The following NGLY1 variants were observed in gnomAD, a reference collection of about 807,000 sequenced individuals.
NGLY1 encodes N-glycanase 1.
In NGLY1, 68 loss-of-function variants were observed where a neutral mutation model predicts 84.6. The observed-to-expected ratio is 0.80, with a 90% CI of 0.66 to 0.98. The LOEUF (loss-of-function observed/expected upper bound fraction) is 0.98, where lower values mean the gene tolerates loss of function less well. Ranked by LOEUF, NGLY1 falls within the 50% of genes least tolerant of loss-of-function variation. NGLY1 has a pLI of 0.00. For missense variants in NGLY1, 779 were observed against 770.2 expected (o/e 1.01, Z -0.14); for synonymous variants, 280 against 275.2 (o/e 1.02, Z -0.17).
chr3:25,737,285 T>C lies in NGLY1; in HGVS notation c.1003+49A>G, dbSNP rs371125656. On this transcript the variant is annotated intron_variant, in intron 6 of 11. Transcript: ENST00000280700. ...TGGGCTCAGAATGTAAACCCAAACC[T>C]GCAAGCCTGCAAAGCCCTACTACCC... 48 of 1,493,506 alleles carry C rather than the reference T, an allele frequency of 3.2e-5. 2 individuals carry two copies. Among genetic ancestry groups the C allele is most frequent in the Admixed American group, 2.6e-4 (11 of 42,750 alleles). The allele number at this position is 1,493,506 out of a possible 1,614,324, so 92.5% of individuals were successfully genotyped here.
At chr3:25,785,999 G>A (rs1575673548), upstream of NGLY1, among the ~76,000 whole-genome samples, 1 of 152,064 alleles carries the variant, frequency 6.6e-6, no homozygotes, top group East Asian at 1.9e-4. Flanking sequence ...TAGAGTTGTT[G>A]GTTAATCACT....
At chr3:25,721,678 G>A (rs1313331653) in intron 10 of NGLY1, among the ~76,000 whole-genome samples, 1 of 149,426 alleles carries the variant, frequency 6.7e-6, no homozygotes, top group African/African-American at 2.5e-5. Context: ...GAACCCGGGG[G>A]GCGGAGCTTG....
intron 2 of NGLY1, among the ~76,000 whole-genome samples, chr3:25,764,812 T>C (rs560667126): frequency 6.2e-4 from 94 of 152,334 alleles, no homozygotes; most frequent in Middle Eastern, 3.4e-3. Flanking sequence ...CTTTAAAGAA[T>C]AGCTACATGA....
chr3:25,743,128 C>T (rs893760537), intron 4 of NGLY1, among the ~76,000 whole-genome samples: 1 of 152,082 alleles, frequency 6.6e-6, no homozygotes, highest in Non-Finnish European at 1.5e-5. Context: ...CAGCAGCAAC[C>T]AAAAGCTGGA....
chr3:25,772,770 G>A (rs1032720769), intron 2 of NGLY1, among the ~76,000 whole-genome samples: 11 of 152,006 alleles, frequency 7.2e-5, no homozygotes, highest in African/African-American at 2.4e-4. Context: ...GGTGTATTTC[G>A]AGGTTTTATT....
intron 4 of NGLY1, among the ~76,000 whole-genome samples, chr3:25,747,421 A>G (rs1046063175): frequency 3.3e-5 from 5 of 152,244 alleles, no homozygotes; most frequent in Non-Finnish European, 4.4e-5. Flanking sequence ...TAGCAGAAGT[A>G]AATCTAAGGC....
intron 2 of NGLY1, among the ~76,000 whole-genome samples, chr3:25,773,765 G>A (rs1455272698): frequency 6.6e-6 from 1 of 152,154 alleles, no homozygotes; most frequent in Admixed American, 6.5e-5. Flanking sequence ...GGAAGGATCA[G>A]GGGCTCAAGG....
At chr3:25,770,610 G>C (rs1483753644) in intron 2 of NGLY1, among the ~76,000 whole-genome samples, 1 of 152,130 alleles carries the variant, frequency 6.6e-6, no homozygotes, top group African/African-American at 2.4e-5. Flanking sequence ...AGATCAAATG[G>C]TAGATCTACT....
chr3:25,789,794 C>T lies in NGLY1; in HGVS notation c.5+67G>A. 5 of 1,501,954 alleles carry T rather than the reference C, an allele frequency of 3.3e-6. No individual in the cohort carries two copies. In the South Asian group the frequency reaches 6.0e-5, roughly 18 times the overall value. 93.0% of individuals were successfully genotyped at this position (1,501,954 alleles called of 1,614,324 possible). A position where few individuals can be genotyped will look rare whatever the true frequency, so the allele number is the denominator to read the frequency against. ...GAATACGATGGTGTCCCTTCTCCGA[C>T]AAAAGGGAATATTTGGGCATTATCA... On this transcript the variant is annotated intron_variant, in intron 1 of 11. Transcript: ENST00000417874.
At chr3:25,768,822 G>A (rs9828806) in intron 2 of NGLY1, among the ~76,000 whole-genome samples, 11 of 151,930 alleles carry the variant, frequency 7.2e-5, no homozygotes, top group East Asian at 2.0e-4. Flanking sequence ...GATTACAGGC[G>A]TGAGCCACGG....
At chr3:25,764,436 G>T in intron 2 of NGLY1, 125 bp from the exon 3 acceptor site, 1 of 1,047,916 alleles carries the variant, frequency 9.5e-7, no homozygotes, top group Non-Finnish European at 1.4e-6. Context: ...AAATCATACT[G>T]TTTTCTTACC....
In NGLY1 at chr3:25,727,131, G is replaced by A. The variant is rs146602642; in HGVS notation, c.1611+2002C>T. ...AGAACCAGAAATACTGATTTAGATG[G>A]AATACTTAAGTTATAACGACAATTG... On this transcript the variant is annotated intron_variant, in intron 10 of 11. Coordinates refer to ENST00000280700, the MANE Select transcript of NGLY1 (RefSeq NM_018297.4). 3.1e-3 allele frequency among the ~76,000 whole-genome samples: 470 copies of A among 152,212 alleles called. 1 individual carries two copies. The highest frequency in any genetic ancestry group is 0.011 in the African/African-American group (446 of 41,532).
At chr3:25,787,836 C>T (rs1224698537), upstream of NGLY1, among the ~76,000 whole-genome samples, 1 of 152,150 alleles carries the variant, frequency 6.6e-6, no homozygotes, top group Non-Finnish European at 1.5e-5. Flanking sequence ...TGACATGGGC[C>T]ACATATTTAG....
At chr3:25,729,817 CT>C (rs1170399876) in intron 9 of NGLY1, 2 of 152,250 alleles carry the variant, frequency 1.3e-5, no homozygotes, top group African/African-American at 4.8e-5. Flanking sequence ...ATGGTTCACC[CT>C]GCTTGCTTCT....
At chr3:25,719,864 TCA>T in intron 11 of NGLY1, 148 bp downstream of exon 11, 1 of 705,698 alleles carries the variant, frequency 1.4e-6, no homozygotes, top group Non-Finnish European at 2.2e-6. Flanking sequence ...TACAATGGGA[TCA>T]CACAGGGTTT....
chr3:25,743,298 A>G (rs1162727621), intron 4 of NGLY1, among the ~76,000 whole-genome samples: 1 of 152,144 alleles, frequency 6.6e-6, no homozygotes, highest in Non-Finnish European at 1.5e-5. Flanking sequence ...TAGTAGCCCC[A>G]GGAAACTTAA....
chr3:25,787,367 G>A (rs180690066), upstream of NGLY1, among the ~76,000 whole-genome samples: 249 of 152,192 alleles, frequency 1.6e-3, 1 homozygote, highest in African/African-American at 5.8e-3. Context: ...TCAGAGCCTC[G>A]TGTTTCATCC....
chr3:25,731,762 G>A (rs776826371), intron 9 of NGLY1, among the ~76,000 whole-genome samples: 4 of 152,000 alleles, frequency 2.6e-5, no homozygotes, highest in South Asian at 2.1e-4. Context: ...TACCATACAC[G>A]TTGCAACATG....
chr3:25,771,062 T>C (rs1309391169), intron 2 of NGLY1, among the ~76,000 whole-genome samples: 1 of 152,240 alleles, frequency 6.6e-6, no homozygotes, highest in African/African-American at 2.4e-5. Context: ...GCTCCATCTA[T>C]TTATCTTTGT....
Sources: allele counts gnomAD v4.1 joint callset (sites outside exome capture counted in the v4.1 genomes callset), GRCh38; gene constraint gnomAD v4.1.1; transcripts MANE v1.5; gene names NCBI Gene and HGNC (gene_info 2026-07-23, HGNC 2026-07-21).